LOXHD1: variants seen among roughly 807,000 people sequenced by gnomAD.
The protein encoded by LOXHD1 is lipoxygenase homology domain-containing protein 1.
Under a neutral mutation model 248.2 loss-of-function variants are expected in LOXHD1, and 205 were observed. The observed-to-expected ratio is 0.83, with a 90% CI of 0.74 to 0.93. The LOEUF (loss-of-function observed/expected upper bound fraction) is 0.93, where lower values mean the gene tolerates loss of function less well. LOXHD1 is among the 40% of genes least tolerant of loss of function. LOXHD1 has a pLI of 0.00. For missense variants in LOXHD1, 2,930 were observed against 2,971.6 expected, an observed-to-expected ratio of 0.99 and a Z score of 0.33; for synonymous variants, 1,113 against 1,162.8, an observed-to-expected ratio of 0.96 and a Z score of 0.87.
intron 33 of LOXHD1, among the ~76,000 whole-genome samples, chr18:46,519,408 G>T (rs1321932810): frequency 6.6e-6 from 1 of 152,228 alleles, no homozygotes; most frequent in Non-Finnish European, 1.5e-5. Context: ...CCTGGTGGGG[G>T]TTGCATGCTT....
intron 37 of LOXHD1, among the ~76,000 whole-genome samples, chr18:46,494,117 C>T (rs1301550671): frequency 6.6e-6 from 1 of 152,164 alleles, no homozygotes. Flanking sequence ...CTTGTCCATT[C>T]TCTTGGCCAT....
chr18:46,560,849 C>T (rs1299998389), intron 18 of LOXHD1, among the ~76,000 whole-genome samples: 1 of 138,802 alleles, frequency 7.2e-6, no homozygotes, highest in African/African-American at 2.9e-5. Flanking sequence ...CACACACACA[C>T]GCACGCGCGC....
intron 4 of LOXHD1, among the ~76,000 whole-genome samples, chr18:46,619,339 T>C (rs537805596): frequency 6.6e-6 from 1 of 152,358 alleles, no homozygotes; most frequent in East Asian, 1.9e-4. Flanking sequence ...CTCTGAGCCC[T>C]GTCCCTGGCC....
intron 23 of LOXHD1, among the ~76,000 whole-genome samples, 182 bp downstream of exon 23, chr18:46,545,135 T>G (rs1460886131): frequency 1.3e-5 from 2 of 152,148 alleles, no homozygotes; most frequent in Non-Finnish European, 2.9e-5. Context: ...AAAAGAAAGC[T>G]GGCTCAGAGA....
At chr18:46,572,227 C>A in intron 14 of LOXHD1, 65 bp from the exon 15 acceptor site, 1 of 1,405,166 alleles carries the variant, frequency 7.1e-7, no homozygotes, top group South Asian at 1.2e-5. Flanking sequence ...AAGCTTCACC[C>A]ATTCATGCAG....
intron 12 of LOXHD1, among the ~76,000 whole-genome samples, chr18:46,585,519 A>G (rs2038042638): frequency 6.6e-6 from 1 of 152,160 alleles, no homozygotes; most frequent in Admixed American, 6.5e-5. Flanking sequence ...GGAAACCACA[A>G]AATATTTTTG....
chr18:46,594,523 G>T, intron 8 of LOXHD1, 57 bp from the exon 9 acceptor site: 2 of 1,545,762 alleles, frequency 1.3e-6, no homozygotes, highest in Admixed American at 3.9e-5. Flanking sequence ...GGTCCTCTTC[G>T]TGATGTTCAG....
intron 37 of LOXHD1, among the ~76,000 whole-genome samples, chr18:46,502,757 C>T (rs1413574762): frequency 6.6e-6 from 1 of 152,132 alleles, no homozygotes; most frequent in Non-Finnish European, 1.5e-5. Flanking sequence ...ATAAAACACT[C>T]ATATTGTAAA....
At chr18:46,540,854 A>G (rs1371543346) in intron 25 of LOXHD1, among the ~76,000 whole-genome samples, 1 of 152,110 alleles carries the variant, frequency 6.6e-6, no homozygotes, top group Non-Finnish European at 1.5e-5. Flanking sequence ...GCCCAGCCAG[A>G]GAAATGTCAC....
Position 46,569,555 on chromosome 18 carries a change from C to T in LOXHD1, c.2131G>A (p.Asp711Asn). 1 of 1,551,836 alleles carries T rather than the reference C, an allele frequency of 6.4e-7. No individual in the cohort carries two copies. Among genetic ancestry groups the T allele is most frequent in the Non-Finnish European group, 8.7e-7 (1 of 1,147,014 alleles). ...ACTTGCTTGATGGTGTCAGATTTAT[C>T]CCCATAGAGCTTGATGTAGACTCTA... The part of the protein sequence containing the change: ...DSRVYIKLYG[D>N]KSDTIKQVLL... The change falls in exon 16 of 41, where the codon GAT becomes AAT. Residue 711 changes from aspartate (D) to asparagine (N), a missense_variant. Transcript: ENST00000642948.
At chr18:46,547,692 G>A (rs1021406560) in intron 21 of LOXHD1, among the ~76,000 whole-genome samples, 4 of 152,112 alleles carry the variant, frequency 2.6e-5, no homozygotes, top group Non-Finnish European at 4.4e-5. Context: ...CTCTCCCCTG[G>A]GTCAGACTGT....
At chr18:46,656,828 C>T (rs1296212570) in intron 1 of LOXHD1, 76 bp downstream of exon 1, 1 of 1,474,354 alleles carries the variant, frequency 6.8e-7, no homozygotes, top group Non-Finnish European at 9.2e-7. Context: ...TAGAATGACT[C>T]CCCATAGACA....
In LOXHD1 at chr18:46,592,034, T is replaced by C; in HGVS notation, c.1553A>G (p.Tyr518Cys). 1 of 1,552,296 alleles carries C rather than the reference T, an allele frequency of 6.4e-7. No individual in the cohort carries two copies. Among genetic ancestry groups the C allele is most frequent in the Non-Finnish European group, 8.7e-7 (1 of 1,147,102 alleles). ...TLMNTLNKDK[Y>C]NFNCNRWLDA... ...CAGCCAGCGGTTGCAATTGAAGTTG[T>C]ACTTGTCTTTGTTCAGAGTGTTCAT... Residue 518 changes from tyrosine to cysteine, a missense_variant, in exon 12 of 41, where the codon TAC becomes TGC. By Grantham distance (194) the Tyr-to-Cys change is radical (BLOSUM62 -2). Transcript: ENST00000642948.
intron 19 of LOXHD1, 37 bp downstream of exon 19, chr18:46,560,046 A>AGTGCCGGCCC: frequency 1.4e-6 from 1 of 690,954 alleles, no homozygotes; most frequent in Non-Finnish European, 2.3e-6. Flanking sequence ...CTGTCTGGCC[A>AGTGCCGGCCC]CTCCCTCCCC....
chr18:46,537,582 T>C (rs868771503), intron 26 of LOXHD1, among the ~76,000 whole-genome samples: 5 of 152,294 alleles, frequency 3.3e-5, no homozygotes, highest in Middle Eastern at 6.8e-3. Context: ...ACAGTGTGCA[T>C]GCACTAAATT....
At position 46,569,644 on chromosome 18, in the gene LOXHD1, C is replaced by G; in HGVS notation, c.2048-6G>C. 1 of 1,544,602 alleles carries G rather than the reference C, an allele frequency of 6.5e-7. No homozygotes were observed. The highest frequency in any genetic ancestry group is 8.8e-7 in the Non-Finnish European group (1 of 1,141,076). ...GCTGATGTGATAGCGAAAGTCTGAACAGCCCAAGGCAGAGGGAGGAAGGGA... is the reference window on the plus strand; with the variant it reads ...GCTGATGTGATAGCGAAAGTCTGAAGAGCCCAAGGCAGAGGGAGGAAGGGA... On this transcript the variant is annotated splice_polypyrimidine_tract_variant and splice_region_variant and intron_variant, in intron 15 of 40. Coordinates refer to ENST00000642948, the MANE Select transcript of LOXHD1 (RefSeq NM_001384474.1).
intron 37 of LOXHD1, among the ~76,000 whole-genome samples, chr18:46,496,289 C>T (rs753803923): frequency 2.0e-5 from 3 of 151,902 alleles, no homozygotes; most frequent in Non-Finnish European, 2.9e-5. Flanking sequence ...TTCACTTTTG[C>T]GCATGTTTAA....
intron 37 of LOXHD1, among the ~76,000 whole-genome samples, chr18:46,497,029 G>A (rs933950263): frequency 6.6e-6 from 1 of 152,086 alleles, no homozygotes; most frequent in African/African-American, 2.4e-5. Flanking sequence ...AAAAAAATAA[G>A]GATACAGAAA....
chr18:46,521,904 G>A (rs1291768262), intron 32 of LOXHD1, among the ~76,000 whole-genome samples, 197 bp downstream of exon 32: 1 of 152,190 alleles, frequency 6.6e-6, no homozygotes, highest in Non-Finnish European at 1.5e-5. Flanking sequence ...CACTGGGTGG[G>A]TGGAAGACAG....
Sources: allele counts gnomAD v4.1 joint callset (sites outside exome capture counted in the v4.1 genomes callset), GRCh38; gene constraint gnomAD v4.1.1; transcripts MANE v1.5; gene names NCBI Gene and HGNC (gene_info 2026-07-23, HGNC 2026-07-21).